Variants in TBC1D22A observed in about 807,000 individuals in gnomAD.
TBC1D22A encodes putative GTPase activator.
Under a neutral mutation model 60.2 loss-of-function variants are expected in TBC1D22A, and 38 were observed. That is an observed-to-expected ratio of 0.63 (90% CI 0.49 to 0.83). The LOEUF is 0.83. TBC1D22A is among the 40% of genes least tolerant of loss of function. The pLI, the probability that TBC1D22A is intolerant of heterozygous loss-of-function variation, is 0.00. For synonymous variants in TBC1D22A, 302 were observed against 281.7 expected (o/e 1.07, Z -0.72); for missense variants, 628 against 701.0 (o/e 0.90, Z 1.18).
At chr22:47,144,642 T>C (rs2067224830) in intron 12 of TBC1D22A, among the ~76,000 whole-genome samples, 1 of 152,266 alleles carries the variant, frequency 6.6e-6, no homozygotes, top group Non-Finnish European at 1.5e-5. Flanking sequence ...TCGGTGTTAC[T>C]GTCTCCAGTC....
chr22:46,846,350 C>G (rs1180779386), intron 4 of TBC1D22A, among the ~76,000 whole-genome samples: 1 of 152,206 alleles, frequency 6.6e-6, no homozygotes, highest in Non-Finnish European at 1.5e-5. Flanking sequence ...ACATCGCTTA[C>G]TCACCTATGC....
chr22:47,138,186 C>T (rs561875959), intron 12 of TBC1D22A, among the ~76,000 whole-genome samples: 3 of 152,310 alleles, frequency 2.0e-5, no homozygotes, highest in South Asian at 2.1e-4. Flanking sequence ...ATCACTTTGT[C>T]GAGGAAGAAG....
At chr22:46,793,173 G>A (rs2084497344) in intron 2 of TBC1D22A, among the ~76,000 whole-genome samples, 1 of 152,216 alleles carries the variant, frequency 6.6e-6, no homozygotes, top group Non-Finnish European at 1.5e-5. Flanking sequence ...TCACTGCTGG[G>A]CAGGAGCCTT....
chr22:46,941,936 C>T (rs1602585711), intron 8 of TBC1D22A, among the ~76,000 whole-genome samples: 2 of 42,192 alleles, frequency 4.7e-5, no homozygotes, highest in African/African-American at 1.4e-4. Flanking sequence ...TGTATGTATA[C>T]ACACACACAC....
chr22:46,785,556 T>A (rs374719043), intron 1 of TBC1D22A, among the ~76,000 whole-genome samples: 12 of 152,186 alleles, frequency 7.9e-5, no homozygotes, highest in African/African-American at 2.7e-4. Context: ...TTAGAGCATG[T>A]TTATTGCCTC....
chr22:47,002,130 T>C (rs1006547713), intron 10 of TBC1D22A, among the ~76,000 whole-genome samples: 3 of 152,256 alleles, frequency 2.0e-5, no homozygotes, highest in African/African-American at 7.2e-5. Flanking sequence ...TAATAATAAA[T>C]GTACCTTTAC....
chr22:47,110,064 G>A (rs781580417), intron 11 of TBC1D22A, among the ~76,000 whole-genome samples: 7 of 152,130 alleles, frequency 4.6e-5, no homozygotes, highest in Admixed American at 6.5e-5. Context: ...GCCTCTGCTC[G>A]CCTCGTTCTG....
intron 11 of TBC1D22A, among the ~76,000 whole-genome samples, chr22:47,052,607 G>A (rs1056599819): frequency 3.3e-4 from 51 of 152,308 alleles, no homozygotes; most frequent in African/African-American, 9.9e-4. Context: ...AAGCTTCTCC[G>A]GGGATGGCCC....
At position 46,793,650 on chromosome 22, in the gene TBC1D22A, A is replaced by G; in HGVS notation, c.269A>G (p.Asn90Ser). ...ELLAMAAESL[N>S]SEVVMETANR... The stretch of plus-strand genomic sequence containing the variant: ...CTGGCCATGGCGGCGGAGAGCCTGA[A>G]CTCCGAGGTGGTCATGGAGACGGCC... Residue 90 changes from asparagine to serine, a missense_variant, in exon 3 of 13, where the codon AAC becomes AGC. Physicochemically the swap from Asn to Ser is conservative, Grantham distance 46. Coordinates refer to ENST00000337137, the MANE Select transcript of TBC1D22A (RefSeq NM_014346.5). 12 of 1,613,398 alleles carry G rather than the reference A, an allele frequency of 7.4e-6. No homozygotes were observed. The highest frequency in any genetic ancestry group is 1.0e-5 in the Non-Finnish European group (12 of 1,179,996).
chr22:46,888,270 C>T (rs973259491), intron 5 of TBC1D22A, among the ~76,000 whole-genome samples: 12 of 152,210 alleles, frequency 7.9e-5, no homozygotes, highest in African/African-American at 2.9e-4. Context: ...GAAGAGGCTT[C>T]CCATCCGGAC....
intron 4 of TBC1D22A, among the ~76,000 whole-genome samples, chr22:46,805,039 G>A (rs1048107927): frequency 2.6e-5 from 4 of 152,156 alleles, no homozygotes; most frequent in Admixed American, 1.3e-4. Context: ...ATTGCTCCTC[G>A]CCCTGTACAA....
intron 8 of TBC1D22A, among the ~76,000 whole-genome samples, chr22:46,938,806 G>A (rs922418452): frequency 2.0e-5 from 3 of 151,850 alleles, no homozygotes; most frequent in Admixed American, 6.6e-5. Flanking sequence ...GGCTGGTCTC[G>A]AACTCCCGAC....
At chr22:46,766,947 TAGTGAGATCCAC>T (rs2083309918) in intron 1 of TBC1D22A, among the ~76,000 whole-genome samples, 1 of 152,216 alleles carries the variant, frequency 6.6e-6, no homozygotes, top group Admixed American at 6.5e-5. Context: ...TTGCTTTCAC[TAGTGAGATCCAC>T]AGGTTTAGGA....
At chr22:46,964,087 G>A (rs1053519271) in intron 8 of TBC1D22A, among the ~76,000 whole-genome samples, 10 of 152,238 alleles carry the variant, frequency 6.6e-5, no homozygotes, top group African/African-American at 9.6e-5. Flanking sequence ...TGCCAGCGGC[G>A]TCTGTTTGAT....
chr22:46,789,939 G>T (rs887279730), intron 1 of TBC1D22A, among the ~76,000 whole-genome samples: 1 of 152,148 alleles, frequency 6.6e-6, no homozygotes, highest in African/African-American at 2.4e-5. Flanking sequence ...TCCAAGTGTC[G>T]TCCCCAAAGT....
intron 7 of TBC1D22A, among the ~76,000 whole-genome samples, chr22:46,900,091 C>G (rs941981501): frequency 6.6e-6 from 1 of 151,598 alleles, no homozygotes; most frequent in Non-Finnish European, 1.5e-5. Context: ...TCAGCTTTAT[C>G]GAGGTCTAAT....
intron 8 of TBC1D22A, among the ~76,000 whole-genome samples, chr22:46,924,292 A>G (rs1417983086): frequency 6.6e-6 from 1 of 152,296 alleles, no homozygotes; most frequent in East Asian, 1.9e-4. Context: ...GCAGGCGAGC[A>G]ATAGGACCAC....
chr22:46,993,936 T>A (rs1010532934), intron 9 of TBC1D22A, among the ~76,000 whole-genome samples: 6 of 152,204 alleles, frequency 3.9e-5, no homozygotes, highest in Admixed American at 2.0e-4. Context: ...CCTTGGCGCC[T>A]CGCCCTCGGG....
At chr22:46,978,899 G>A (rs202080519) in intron 9 of TBC1D22A, among the ~76,000 whole-genome samples, 5 of 152,132 alleles carry the variant, frequency 3.3e-5, no homozygotes, top group African/African-American at 4.8e-5. Context: ...ATGAGCCACC[G>A]CGCCCGGCCA....
Sources: gnomAD v4.1 joint callset for allele counts (sites outside exome capture counted in the v4.1 genomes callset) on GRCh38, gnomAD v4.1.1 for gene constraint, MANE v1.5 for transcripts, NCBI Gene and HGNC (gene_info 2026-07-23, HGNC 2026-07-21) for gene names.